Variants in NRG3 observed in about 807,000 individuals in gnomAD.
NRG3 encodes pro-neuregulin-3, membrane-bound isoform.
A neutral mutation model predicts 66.9 loss-of-function variants in NRG3; 31 were observed. The ratio of observed to expected loss-of-function variants is 0.46; its 90% CI spans 0.35 to 0.63. NRG3 has a LOEUF of 0.63. Ranked by LOEUF, NRG3 falls within the 20% of genes least tolerant of loss-of-function variation. The pLI, the probability that NRG3 is intolerant of heterozygous loss-of-function variation, is 0.00. For missense variants in NRG3, 910 were observed against 878.9 expected (o/e 1.04, Z -0.45); for synonymous variants, 393 against 359.4 (o/e 1.09, Z -1.06).
At chr10:82,001,015 C>T (rs532365700) in intron 1 of NRG3, among the ~76,000 whole-genome samples, 3 of 152,040 alleles carry the variant, frequency 2.0e-5, no homozygotes, top group East Asian at 1.9e-4. Context: ...CAAACATTGC[C>T]GTGTTTTCAA....
At chr10:82,936,390 TA>T (rs1249320419) in intron 4 of NRG3, among the ~76,000 whole-genome samples, 1 of 151,912 alleles carries the variant, frequency 6.6e-6, no homozygotes, top group African/African-American at 2.4e-5. Flanking sequence ...ATATGGAATC[TA>T]AAAAAAGCTG....
At chr10:82,064,137 G>T (rs1338784778) in intron 1 of NRG3, among the ~76,000 whole-genome samples, 2 of 152,120 alleles carry the variant, frequency 1.3e-5, no homozygotes, top group African/African-American at 2.4e-5. Context: ...AATTGTATCA[G>T]TGAATTAAGG....
intron 2 of NRG3, among the ~76,000 whole-genome samples, chr10:82,583,363 C>T (rs966207230): frequency 1.3e-5 from 2 of 152,178 alleles, no homozygotes; most frequent in African/African-American, 2.4e-5. Context: ...ATAAATAACT[C>T]ACTTCCTGCA....
chr10:82,875,074 T>C (rs914249433), intron 4 of NRG3, among the ~76,000 whole-genome samples: 1 of 152,216 alleles, frequency 6.6e-6, no homozygotes, highest in African/African-American at 2.4e-5. Flanking sequence ...CTGGTCATTG[T>C]ATTCTCTCAC....
chr10:82,902,106 T>A (rs1451073414), intron 4 of NRG3, among the ~76,000 whole-genome samples: 2 of 152,186 alleles, frequency 1.3e-5, no homozygotes, highest in African/African-American at 4.8e-5. Flanking sequence ...ATATTTCATA[T>A]ACTATGTACA....
chr10:82,137,388 C>T (rs2069448598), intron 1 of NRG3, among the ~76,000 whole-genome samples: 1 of 152,138 alleles, frequency 6.6e-6, no homozygotes, highest in African/African-American at 2.4e-5. Context: ...TTATCTTCCT[C>T]CCACAATACT....
At chr10:82,127,947 CA>C (rs1391924871) in intron 1 of NRG3, among the ~76,000 whole-genome samples, 2 of 151,934 alleles carry the variant, frequency 1.3e-5, no homozygotes, top group Non-Finnish European at 2.9e-5. Context: ...ATTTTCAAAT[CA>C]TGGAGTGGTT....
At chr10:82,165,539 C>A (rs763689058) in intron 1 of NRG3, among the ~76,000 whole-genome samples, 2 of 151,968 alleles carry the variant, frequency 1.3e-5, no homozygotes, top group Non-Finnish European at 2.9e-5. Flanking sequence ...TAAACATTCA[C>A]TCATAGTTGT....
At chr10:82,259,221 A>G (rs1193185032) in intron 1 of NRG3, among the ~76,000 whole-genome samples, 1 of 152,192 alleles carries the variant, frequency 6.6e-6, no homozygotes, top group Non-Finnish European at 1.5e-5. Flanking sequence ...TTTTCACTTC[A>G]GTTCACTTTC....
chr10:82,766,426 CT>C (rs2059513938), intron 3 of NRG3, among the ~76,000 whole-genome samples: 1 of 152,130 alleles, frequency 6.6e-6, no homozygotes, highest in South Asian at 2.1e-4. Flanking sequence ...TTCTTTCACA[CT>C]TTTGTCTATA....
intron 1 of NRG3, among the ~76,000 whole-genome samples, chr10:82,349,774 G>C (rs568507327): frequency 1.3e-5 from 2 of 152,204 alleles, no homozygotes; most frequent in Non-Finnish European, 2.9e-5. Context: ...TTGGTGTGCC[G>C]TTTTTTAAGC....
intron 2 of NRG3, among the ~76,000 whole-genome samples, chr10:82,459,863 G>GA (rs745520940): frequency 6.6e-6 from 1 of 152,106 alleles, no homozygotes; most frequent in Non-Finnish European, 1.5e-5. Flanking sequence ...TATTTTTCAA[G>GA]AAAAAAGATA....
intron 1 of NRG3, among the ~76,000 whole-genome samples, chr10:82,021,786 ATGTGTGTGTGTGTGTGTGTG>A (rs71950373): frequency 6.7e-4 from 41 of 61,106 alleles, no homozygotes; most frequent in African/African-American, 2.0e-3. Context: ...GGCATGTAGT[ATGTGTGTGTGTGTGTGTGTG>A]TGTGTGTGTG....
chr10:82,557,179 G>C (rs1229007908), intron 2 of NRG3, among the ~76,000 whole-genome samples: 1 of 152,140 alleles, frequency 6.6e-6, no homozygotes, highest in Non-Finnish European at 1.5e-5. Context: ...TAGTTCGAAT[G>C]GTAGTTCTGC....
chr10:82,466,042 G>A lies in NRG3; in HGVS notation c.953+107174G>A, dbSNP rs576395821. Among the ~76,000 whole-genome samples the A allele has an allele frequency of 7.2e-5, 11 of 152,226 alleles. No individual in the cohort carries two copies. In the South Asian group the frequency reaches 2.3e-3, roughly 32 times the overall value. Reference sequence around the variant, plus strand: ...TTTAGATTGAGGTCCCAACCCTCCTGACTTCATTGGCTCTGCCCAGTGGTG... The same window carrying A: ...TTTAGATTGAGGTCCCAACCCTCCTAACTTCATTGGCTCTGCCCAGTGGTG... On this transcript the variant is annotated intron_variant, in intron 2 of 8. Coordinates refer to ENST00000372141, the MANE Select transcript of NRG3 (RefSeq NM_001010848.4).
chr10:82,566,436 A>C (rs2045408732), intron 2 of NRG3, among the ~76,000 whole-genome samples: 1 of 152,026 alleles, frequency 6.6e-6, no homozygotes, highest in Non-Finnish European at 1.5e-5. Flanking sequence ...TGAGAAGTAA[A>C]GGATTATCCT....
At chr10:82,671,986 C>T (rs1325711328) in intron 2 of NRG3, among the ~76,000 whole-genome samples, 1 of 152,196 alleles carries the variant, frequency 6.6e-6, no homozygotes, top group African/African-American at 2.4e-5. Context: ...GGTTATGTTT[C>T]CCAAGTTTCG....
At chr10:82,345,747 T>C (rs1163989547) in intron 1 of NRG3, among the ~76,000 whole-genome samples, 2 of 152,018 alleles carry the variant, frequency 1.3e-5, no homozygotes, top group East Asian at 3.9e-4. Context: ...CCTTGAGCAG[T>C]GGTTTGTAGT....
At chr10:82,807,787 C>T (rs545045263) in intron 3 of NRG3, among the ~76,000 whole-genome samples, 1 of 152,206 alleles carries the variant, frequency 6.6e-6, no homozygotes, top group East Asian at 1.9e-4. Flanking sequence ...TTCCCTGTTT[C>T]CTGTCTTCTC....
Sources: gnomAD v4.1 joint callset for allele counts (sites outside exome capture counted in the v4.1 genomes callset) on GRCh38, gnomAD v4.1.1 for gene constraint, MANE v1.5 for transcripts, NCBI Gene and HGNC (gene_info 2026-07-23, HGNC 2026-07-21) for gene names.